The following DDX17 variants were observed in gnomAD, a reference collection of about 807,000 sequenced individuals.
DDX17 encodes DEAD-box helicase 17, also known as probable ATP-dependent RNA helicase DDX17.
DDX17 carries 10 observed loss-of-function variants against 80.8 expected under a neutral mutation model. The observed-to-expected ratio is 0.12, with a 90% CI of 0.08 to 0.21. The LOEUF is 0.21. Ranked by LOEUF, DDX17 falls within the 10% of genes least tolerant of loss-of-function variation. The pLI, the probability that DDX17 is intolerant of heterozygous loss-of-function variation, is 1.00. For missense variants in DDX17, 586 were observed against 957.4 expected (o/e 0.61, Z 5.12); for synonymous variants, 339 against 336.2 (o/e 1.01, Z -0.09).
At chr22:38,505,081 T>C (rs2145715770) in intron 1 of DDX17, 1 of 152,376 alleles carries the variant, frequency 6.6e-6, no homozygotes, top group African/African-American at 2.4e-5. Flanking sequence ...GCTAATTTTG[T>C]TATTTTTAGT....
chr22:38,493,643 G>A (rs2089734006), intron 10 of DDX17, 67 bp downstream of exon 10: 1 of 1,307,786 alleles, frequency 7.6e-7, no homozygotes, highest in East Asian at 2.3e-5. Context: ...CCCTGAAATA[G>A]AGCATGAACA....
Position 38,489,792 on chromosome 22 carries a change from T to A in DDX17, c.1448-1677A>T, listed in dbSNP as rs984186580. The A allele has an allele frequency of 2.0e-6, 2 of 985,220 alleles. No individual in the cohort carries two copies. The highest frequency in any genetic ancestry group is 2.4e-6 in the Non-Finnish European group (2 of 830,072). 61.0% of individuals were successfully genotyped at this position (985,220 alleles called of 1,614,324 possible). On this transcript the variant is annotated intron_variant, in intron 11 of 12. Transcript: ENST00000403230. This position sits in a 1 kb window ranked among gnomAD's most constrained non-coding sequence, Gnocchi z 4.6. The stretch of plus-strand genomic sequence containing the variant: ...GGGCAGCTTGAGTCTCCGGCTAGGG[T>A]CGTTGACGCAACAAAGGAAAAAAGA...
chr22:38,495,428 G>C (rs2089752303), intron 6 of DDX17, among the ~76,000 whole-genome samples: 1 of 152,044 alleles, frequency 6.6e-6, no homozygotes, highest in Non-Finnish European at 1.5e-5. Flanking sequence ...CGTATTTTTA[G>C]TAGAGACGGG....
In DDX17 at chr22:38,488,107, C is replaced by T. The variant is rs1219246540; in HGVS notation, c.1456G>A (p.Asp486Asn). Residue 486 changes from aspartate (D) to asparagine (N), a missense_variant, in exon 12 of 13, where the codon GAT (aspartate) becomes AAT (asparagine). By Grantham distance (23) the Asp-to-Asn change is conservative. Transcript: ENST00000403230. ...TCATAGTTGATCACAAACTTGACAT[C>T]TTCCACATCTTCCACGTCAATGATG... The T allele has an allele frequency of 6.2e-7, 1 of 1,614,064 alleles. No individual in the cohort carries two copies. Among genetic ancestry groups the T allele is most frequent in the African/African-American group, 1.3e-5 (1 of 74,922 alleles).
chr22:38,499,279 A>C, intron 3 of DDX17, 121 bp downstream of exon 3: 1 of 739,104 alleles, frequency 1.4e-6, no homozygotes, highest in Non-Finnish European at 2.3e-6. Flanking sequence ...GATGACCATA[A>C]AAACAATCTC....
At chr22:38,492,574 C>A (rs1051405355) in intron 10 of DDX17, among the ~76,000 whole-genome samples, 1 of 152,190 alleles carries the variant, frequency 6.6e-6, no homozygotes, top group Admixed American at 6.5e-5. Context: ...GCAACCTCCA[C>A]CTCCCGGGTT....
In DDX17 at chr22:38,485,844, AAAAAG is replaced by A. The variant is rs1311311389; in HGVS notation, c.*86_*90del. The A allele has an allele frequency of 4.2e-6, 6 of 1,443,316 alleles. No individual in the cohort carries two copies. The highest frequency in any genetic ancestry group is 2.5e-5 in the East Asian group (1 of 40,698). 89.4% of individuals were successfully genotyped at this position (1,443,316 alleles called of 1,614,324 possible). A position where few individuals can be genotyped will look rare whatever the true frequency, so the allele number is the denominator to read the frequency against. On this transcript the variant is annotated 3_prime_UTR_variant, in exon 13 of 13. Coordinates refer to ENST00000403230, the MANE Select transcript of DDX17 (RefSeq NM_006386.5). The stretch of plus-strand genomic sequence containing the variant: ...AAAAAAAAAAAAGAAAAAAGGAAAA[AAAAAG>A]AAAAGGCGAAGAGGAAAAAAAAAGG...
At position 38,489,154 on chromosome 22, in the gene DDX17, A is replaced by T. The variant is rs1062082; in HGVS notation, c.1448-1039T>A. On this transcript the variant is annotated intron_variant, in intron 11 of 12. Transcript: ENST00000403230. This position sits in a 1 kb window ranked among gnomAD's most constrained non-coding sequence, Gnocchi z 4.6. The stretch of plus-strand genomic sequence containing the variant: ...AATCTGCATTTTACAAAGAATATTC[A>T]GAAAATATCCTAGATAAAACACAGA... The T allele has an allele frequency of 3.0e-6, 3 of 984,634 alleles. No homozygotes were observed. The highest frequency in any genetic ancestry group is 6.1e-5 in the Admixed American group (1 of 16,264). 61.0% of individuals were successfully genotyped at this position (984,634 alleles called of 1,614,324 possible).
Position 38,498,485 on chromosome 22 carries a change from C to A in DDX17, c.627G>T (p.Arg209=), listed in dbSNP as rs1602681361. The A allele has an allele frequency of 2.5e-6, 4 of 1,614,186 alleles. No homozygotes were observed. In the East Asian group the frequency reaches 8.9e-5, roughly 36 times the overall value. Residue 209 remains arginine (R), a synonymous_variant, in exon 4 of 13, where the codon CGG becomes CGT. Coordinates refer to ENST00000403230, the MANE Select transcript of DDX17 (RefSeq NM_006386.5). ...CAGTCTGAGCAATGCCCACCATATC[C>A]CGGCCACTAAGAGCCAACGGAAATC...
chr22:38,500,849 A>G (rs1484288381), intron 2 of DDX17, among the ~76,000 whole-genome samples: 5 of 138,404 alleles, frequency 3.6e-5, no homozygotes, highest in African/African-American at 1.1e-4. Flanking sequence ...AAAAAAAATC[A>G]GCTGGGTGCA....
Position 38,498,158 on chromosome 22 carries a change from G to A in DDX17, c.673-8C>T, listed in dbSNP as rs748142166. ...AATTGCAGGCAGGAGATACTGTGGA[G>A]GGGGGAAAGAATGACAACCTTACGC... is the stretch of plus-strand genomic sequence containing the variant. On this transcript the variant is annotated splice_region_variant and splice_polypyrimidine_tract_variant and intron_variant, in intron 4 of 12. Transcript: ENST00000403230. The A allele has an allele frequency of 6.8e-6, 11 of 1,613,416 alleles. No individual in the cohort carries two copies. In the African/African-American group the frequency reaches 1.3e-4, roughly 20 times the overall value.
chr22:38,488,015 A>G lies in DDX17; in HGVS notation c.1548T>C (p.Gly516=). The change falls in exon 12 of 13, where the codon GGT becomes GGC. Residue 516 remains glycine, a synonymous_variant. Transcript: ENST00000403230. Reference sequence around the variant, plus strand: ...CTGGGGTGAAGAAGGTATAGGCGGTACCCTTGTTGGTGCTACGGGCTGTTC... The same window carrying G: ...CTGGGGTGAAGAAGGTATAGGCGGTGCCCTTGTTGGTGCTACGGGCTGTTC... 1 of 1,614,158 alleles carries G rather than the reference A, an allele frequency of 6.2e-7. No individual in the cohort carries two copies. Among genetic ancestry groups the G allele is most frequent in the Non-Finnish European group, 8.5e-7 (1 of 1,180,040 alleles).
intron 10 of DDX17, among the ~76,000 whole-genome samples, chr22:38,492,350 G>C (rs541041404): frequency 6.6e-6 from 1 of 152,248 alleles, no homozygotes; most frequent in East Asian, 1.9e-4. Flanking sequence ...TAATTAATAT[G>C]AGCTAGATTT....
Position 38,501,213 on chromosome 22 carries a change from T to C in DDX17, c.355A>G (p.Lys119Glu). 6.2e-7 allele frequency: 1 copy of C among 1,613,922 alleles called. No homozygotes were observed. The change falls in exon 2 of 13, where the codon AAA (lysine) becomes GAA (glutamate). Residue 119 changes from lysine (K) to glutamate (E), a missense_variant. This residue lies in a region of DDX17 where 215 missense variants were observed against 238.4 expected (regional missense o/e 0.90). Transcript: ENST00000403230. ...AGCTCACTCAAATCCCACTTTTTTT[T>C]ACGCAAACGCTCCCCAGGATTACCA...
chr22:38,497,619 C>CAAAAAAAAAAAAAAAAAAAAAAAAAA (rs138449), intron 5 of DDX17, among the ~76,000 whole-genome samples: 1 of 74,888 alleles, frequency 1.3e-5, no homozygotes, highest in Non-Finnish European at 2.4e-5. Flanking sequence ...AATATATCTC[C>CAAAAAAAAAAAAAAAAAAAAAAAAAA]AAAAAAAAAA....
chr22:38,494,269 C>G (rs908857704), intron 8 of DDX17, 138 bp from the exon 9 acceptor site: 42 of 642,994 alleles, frequency 6.5e-5, no homozygotes, highest in African/African-American at 6.2e-4. Context: ...TATTAGAGTA[C>G]TGAGTCAGGT....
rs923941846 is a variant in DDX17, at chr22:38,506,266, C to A, written c.-29G>T. On this transcript the variant is annotated 5_prime_UTR_variant, in exon 1 of 13. Coordinates refer to ENST00000403230, the MANE Select transcript of DDX17 (RefSeq NM_006386.5). ...TGGCTACGCTCAAACCGGGCAGTGC[C>A]GCGGTTTAGGCGTCTCCTTCCTTCC... The A allele has an allele frequency of 1.3e-6, 2 of 1,572,984 alleles. No individual in the cohort carries two copies. Among genetic ancestry groups the A allele is most frequent in the South Asian group, 1.2e-5 (1 of 86,278 alleles).
intron 1 of DDX17, chr22:38,505,708 C>T (rs945986064): frequency 2.0e-6 from 1 of 511,652 alleles, no homozygotes; most frequent in Non-Finnish European, 3.4e-6. Context: ...GGGATGGGGC[C>T]GGGCCGCGCC....
chr22:38,494,350 C>T (rs1050301846), intron 8 of DDX17: 1 of 586,534 alleles, frequency 1.7e-6, no homozygotes, highest in Non-Finnish European at 3.0e-6. Flanking sequence ...GGTATTACTC[C>T]CATTTCACAG....
Sources: allele counts gnomAD v4.1 joint callset (sites outside exome capture counted in the v4.1 genomes callset), GRCh38; gene constraint gnomAD v4.1.1; regional missense constraint gnomAD v4.1.1; non-coding constraint Gnocchi (gnomAD v3.1); transcripts MANE v1.5; gene names NCBI Gene and HGNC (gene_info 2026-07-23, HGNC 2026-07-21).